PCYT1B: variants seen among roughly 807,000 people sequenced by gnomAD.
The protein encoded by PCYT1B is phosphate cytidylyltransferase 1B, choline, also known as choline-phosphate cytidylyltransferase B.
In PCYT1B, 10 loss-of-function variants were observed where a neutral mutation model predicts 26.4. The observed-to-expected ratio is 0.38, with a 90% CI of 0.23 to 0.64. The LOEUF (loss-of-function observed/expected upper bound fraction) is 0.64, where lower values mean the gene tolerates loss of function less well. Among genes scored for constraint, PCYT1B ranks in the 30% least tolerant of loss-of-function variants. The pLI is 0.56. For missense variants in PCYT1B, 161 were observed against 292.7 expected (o/e 0.55, Z 3.28); for synonymous variants, 131 against 108.4 (o/e 1.21, Z -1.29).
At chrX:24,587,102 G>T in intron 5 of PCYT1B, 139 bp downstream of exon 5, 46 of 454,729 alleles carry the variant, frequency 1.0e-4, no homozygotes. Context: ...ACAGTGGCTT[G>T]TAGAAGCCGC....
chrX:24,568,234 C>T (rs368786857), intron 7 of PCYT1B, among the ~76,000 whole-genome samples: 4 of 111,546 alleles, frequency 3.6e-5, no homozygotes, highest in Non-Finnish European at 5.7e-5. Context: ...GCTCTAAGGG[C>T]GTTGAAGTGT....
At chrX:24,616,796 C>G (rs1925514019) in intron 2 of PCYT1B, among the ~76,000 whole-genome samples, 1 of 112,011 alleles carries the variant, frequency 8.9e-6, no homozygotes, top group Non-Finnish European at 1.9e-5. Context: ...ACCTCCCCAA[C>G]CTTGTTTTGC....
At chrX:24,637,351 G>T (rs1203598986) in intron 1 of PCYT1B, among the ~76,000 whole-genome samples, 1 of 104,381 alleles carries the variant, frequency 9.6e-6, no homozygotes, top group African/African-American at 3.6e-5. Flanking sequence ...GTTAATATTT[G>T]ATCTTTGGGG....
At chrX:24,661,237 C>T (rs1195501275) in intron 1 of PCYT1B, among the ~76,000 whole-genome samples, 1 of 111,734 alleles carries the variant, frequency 8.9e-6, no homozygotes, top group Non-Finnish European at 1.9e-5. Context: ...TTGAAGGATG[C>T]TAGAGAAAAA....
rs776548621 is a variant in PCYT1B at position 24,634,708 on chromosome X, C to T, written c.117+12281G>A. The stretch of plus-strand genomic sequence containing the variant: ...TTGTACTGAGCCAAGATCACGCCAC[C>T]GCACTCCAGGCTGGGGACAGAGTGA... On this transcript the variant is annotated intron_variant, in intron 1 of 7. Transcript: ENST00000379144. 2.6e-4 allele frequency among the ~76,000 whole-genome samples: 29 copies of T among 111,528 alleles called. No individual in the cohort carries two copies. The East Asian group carries it at 7.0e-3, about 27-fold the overall frequency.
At chrX:24,638,652 C>T (rs932720787) in intron 1 of PCYT1B, among the ~76,000 whole-genome samples, 10 of 111,245 alleles carry the variant, frequency 9.0e-5, no homozygotes, top group Middle Eastern at 4.7e-3. Flanking sequence ...CATTTATTTC[C>T]CTAACAGTCA....
intron 4 of PCYT1B, among the ~76,000 whole-genome samples, chrX:24,588,721 T>C (rs1362520117): frequency 2.7e-5 from 3 of 111,317 alleles, no homozygotes; most frequent in African/African-American, 9.8e-5. Flanking sequence ...ATGCTTAGCT[T>C]TTACCCACTA....
chrX:24,602,038 C>T (rs951587325), intron 3 of PCYT1B, among the ~76,000 whole-genome samples: 4 of 112,563 alleles, frequency 3.6e-5, no homozygotes, highest in African/African-American at 1.3e-4. Context: ...CATACAAAAA[C>T]CTCCACATGG....
intron 1 of PCYT1B, among the ~76,000 whole-genome samples, chrX:24,644,473 C>T (rs2148272203): frequency 9.1e-6 from 1 of 110,222 alleles, no homozygotes; most frequent in Non-Finnish European, 1.9e-5. Context: ...CACACACACA[C>T]ACACACACAC....
chrX:24,654,874 T>C (rs926343811), intron 1 of PCYT1B, among the ~76,000 whole-genome samples: 3 of 110,114 alleles, frequency 2.7e-5, no homozygotes, highest in Non-Finnish European at 5.7e-5. Flanking sequence ...TTACCTCCTA[T>C]GGAATTTTGC....
chrX:24,631,466 T>A (rs1054048654), intron 1 of PCYT1B, among the ~76,000 whole-genome samples: 3 of 111,628 alleles, frequency 2.7e-5, no homozygotes, highest in Non-Finnish European at 5.6e-5. Context: ...TGTTTATACC[T>A]CAGATCCTTG....
At chrX:24,647,962 C>T (rs1267042317), upstream of PCYT1B, among the ~76,000 whole-genome samples, 2 of 112,164 alleles carry the variant, frequency 1.8e-5, no homozygotes, top group Admixed American at 1.9e-4. Context: ...CTTCCTCTGT[C>T]AGCCACTCTT....
chrX:24,646,924 G>C lies in PCYT1B; in HGVS notation c.117+65C>G. On this transcript the variant is annotated intron_variant, in intron 1 of 7. Transcript: ENST00000379144. ...AAGCATCGTTTTCCTCGCTGGCTGC[G>C]GGCGCATAAGGAACTCTTTTATGCC... 9.1e-6 allele frequency: 8 copies of C among 876,098 alleles called. No homozygotes were observed. The South Asian group carries it at 1.3e-4, about 14-fold the overall frequency. The allele number at this position is 876,098 out of a possible 1,213,427, so 72.2% of individuals were successfully genotyped here.
intron 1 of PCYT1B, among the ~76,000 whole-genome samples, chrX:24,627,551 C>T (rs1479620599): frequency 1.8e-5 from 2 of 111,785 alleles, no homozygotes; most frequent in Non-Finnish European, 3.8e-5. Flanking sequence ...TCTCGAACGC[C>T]TGACCTCAGG....
chrX:24,572,798 G>A (rs1338489574), intron 7 of PCYT1B, among the ~76,000 whole-genome samples: 1 of 108,926 alleles, frequency 9.2e-6, no homozygotes, highest in Non-Finnish European at 1.9e-5. Context: ...TCTAAACTGG[G>A]TTTCATTTCT....
At chrX:24,642,067 G>A (rs1312793878) in intron 1 of PCYT1B, among the ~76,000 whole-genome samples, 1 of 113,217 alleles carries the variant, frequency 8.8e-6, no homozygotes, top group Non-Finnish European at 1.9e-5. Context: ...TTTTAAGAAA[G>A]TCTAATATGT....
chrX:24,667,139 C>T (rs1383898849), intron 1 of PCYT1B, among the ~76,000 whole-genome samples: 1 of 110,477 alleles, frequency 9.1e-6, no homozygotes, highest in East Asian at 2.9e-4. Flanking sequence ...GGCCTTTTGG[C>T]TAAGATCAAG....
At chrX:24,645,030 C>T (rs1410179714) in intron 1 of PCYT1B, among the ~76,000 whole-genome samples, 1 of 111,372 alleles carries the variant, frequency 9.0e-6, no homozygotes, top group African/African-American at 3.3e-5. Context: ...GGCCACTGCA[C>T]TCTAGCCTGG....
chrX:24,648,449 ATTTTTTTTTTTTTT>A (rs57744798), upstream of PCYT1B, among the ~76,000 whole-genome samples: 1 of 39,717 alleles, frequency 2.5e-5, no homozygotes, highest in Non-Finnish European at 3.9e-5. Context: ...ATTTGAAGGA[ATTTTTTTTTTTTTT>A]TTTTTTTTTT....
Sources: gnomAD v4.1 joint callset for allele counts (sites outside exome capture counted in the v4.1 genomes callset) on GRCh38, gnomAD v4.1.1 for gene constraint, MANE v1.5 for transcripts, NCBI Gene and HGNC (gene_info 2026-07-23, HGNC 2026-07-21) for gene names.